PTPRM: variants seen among roughly 807,000 people sequenced by gnomAD.
PTPRM encodes the protein receptor-type tyrosine-protein phosphatase mu.
A neutral mutation model predicts 186.7 loss-of-function variants in PTPRM; 47 were observed. That is an observed-to-expected ratio of 0.25 (90% CI 0.20 to 0.32). PTPRM has a LOEUF of 0.32. Among genes scored for constraint, PTPRM ranks in the 10% least tolerant of loss-of-function variants. PTPRM has a pLI of 1.00. For synonymous variants in PTPRM, 668 were observed against 674.9 expected (o/e 0.99, Z 0.16); for missense variants, 1,494 against 1,865.0 (o/e 0.80, Z 3.66).
At chr18:8,340,205 G>A (rs899273462) in intron 22 of PTPRM, among the ~76,000 whole-genome samples, 4 of 152,206 alleles carry the variant, frequency 2.6e-5, no homozygotes, top group East Asian at 1.9e-4. Flanking sequence ...AGGAGAAAGC[G>A]AGGCCAGCTG....
At chr18:8,095,543 A>G (rs1205705046) in intron 11 of PTPRM, among the ~76,000 whole-genome samples, 4 of 152,156 alleles carry the variant, frequency 2.6e-5, no homozygotes, top group African/African-American at 4.8e-5. Flanking sequence ...TAGCCATTCA[A>G]GGGATTCAGG....
chr18:7,999,201 C>T (rs768583421), intron 7 of PTPRM, among the ~76,000 whole-genome samples: 1 of 152,084 alleles, frequency 6.6e-6, no homozygotes, highest in Non-Finnish European at 1.5e-5. Flanking sequence ...ATTAACCTGT[C>T]ATGCACATCT....
chr18:7,624,498 T>C (rs2038012843), intron 1 of PTPRM, among the ~76,000 whole-genome samples: 1 of 152,090 alleles, frequency 6.6e-6, no homozygotes, highest in South Asian at 2.1e-4. Flanking sequence ...TTCTGCTTTT[T>C]TTTTTGGGAC....
intron 7 of PTPRM, among the ~76,000 whole-genome samples, chr18:8,066,077 T>G (rs903422178): frequency 2.0e-5 from 3 of 152,174 alleles, no homozygotes; most frequent in Admixed American, 1.3e-4. Context: ...TATAAAACAC[T>G]AACTTGAGAT....
chr18:8,038,070 T>A (rs1464426107), intron 7 of PTPRM, among the ~76,000 whole-genome samples: 3 of 152,200 alleles, frequency 2.0e-5, no homozygotes. Context: ...TTATGGTGCA[T>A]ATTCAATTAT....
rs148027676 is a variant in PTPRM at position 7,641,922 on chromosome 18, C to T, written c.73+74031C>T. ...GAGAGGTTAAGTAAATGATCTAAGG[C>T]GAATCCAGGTCAGAATGTGTGCTCT... is the stretch of plus-strand genomic sequence containing the variant. On this transcript the variant is annotated intron_variant, in intron 1 of 32. Coordinates refer to ENST00000580170, the MANE Select transcript of PTPRM (RefSeq NM_001105244.2). 5.8e-4 allele frequency among the ~76,000 whole-genome samples: 88 copies of T among 152,178 alleles called. 1 individual carries two copies. The highest frequency in any genetic ancestry group is 1.9e-3 in the African/African-American group (77 of 41,538).
intron 6 of PTPRM, among the ~76,000 whole-genome samples, chr18:7,953,596 G>A (rs2053117169): frequency 6.6e-6 from 1 of 152,180 alleles, no homozygotes; most frequent in Non-Finnish European, 1.5e-5. Context: ...ACTTAGTCGA[G>A]TGAGATTTCC....
At chr18:8,349,113 A>G (rs755522855) in intron 23 of PTPRM, among the ~76,000 whole-genome samples, 13 of 152,222 alleles carry the variant, frequency 8.5e-5, no homozygotes, top group African/African-American at 1.9e-4. Context: ...ATTCACATAC[A>G]AGGAAGGTAT....
chr18:8,341,478 G>T (rs1255927631), intron 22 of PTPRM, among the ~76,000 whole-genome samples: 3 of 152,190 alleles, frequency 2.0e-5, no homozygotes, highest in Non-Finnish European at 2.9e-5. Flanking sequence ...TGAGGAATAT[G>T]CTGGAGGCAG....
At chr18:7,861,191 T>C (rs2047361687) in intron 2 of PTPRM, among the ~76,000 whole-genome samples, 1 of 152,224 alleles carries the variant, frequency 6.6e-6, no homozygotes, top group African/African-American at 2.4e-5. Context: ...GAGTTCTACA[T>C]GGCTGAATGT....
At chr18:8,130,022 A>G (rs992969049) in intron 13 of PTPRM, among the ~76,000 whole-genome samples, 1 of 152,268 alleles carries the variant, frequency 6.6e-6, no homozygotes, top group Admixed American at 6.5e-5. Context: ...TGAGGCCCAA[A>G]GTCTTTTAAA....
Position 7,949,288 on chromosome 18 carries a change from G to A in PTPRM, c.771G>A (p.Lys257=). 6.2e-7 allele frequency: 1 copy of A among 1,614,166 alleles called. No homozygotes were observed. Among genetic ancestry groups the A allele is most frequent in the South Asian group, 1.1e-5 (1 of 91,076 alleles). The change falls in exon 6 of 33, where the codon AAG becomes AAA. Residue 257 remains lysine (K), a synonymous_variant. Transcript: ENST00000580170. The part of the protein sequence containing the change: ...VVNTTKRDAG[K]YRCMIRTEGG... ...ATACCACCAAACGAGATGCTGGAAA[G>A]TACCGCTGCATGATTCGCACTGAAG...
chr18:7,773,754 T>C (rs112275846), intron 1 of PTPRM, among the ~76,000 whole-genome samples: 9 of 152,212 alleles, frequency 5.9e-5, no homozygotes, highest in African/African-American at 2.2e-4. Flanking sequence ...CTAATTTTTG[T>C]ATTTTTGTAG....
At position 7,874,376 on chromosome 18, in the gene PTPRM, A is replaced by G. The variant is rs146576550; in HGVS notation, c.197-13730A>G. 7.1e-3 allele frequency among the ~76,000 whole-genome samples: 1,084 copies of G among 152,334 alleles called. 22 individuals carry two copies. Among genetic ancestry groups the G allele is most frequent in the East Asian group, 0.05 (260 of 5,182 alleles). The stretch of plus-strand genomic sequence containing the variant: ...TCTCTATGTAAACAAAACAGTTTGC[A>G]AGGATATCTAGAATTTAGCTATCTT... On this transcript the variant is annotated intron_variant, in intron 2 of 32. Transcript: ENST00000580170.
At chr18:8,240,352 C>T (rs2094400925) in intron 14 of PTPRM, among the ~76,000 whole-genome samples, 1 of 150,320 alleles carries the variant, frequency 6.7e-6, no homozygotes, top group Non-Finnish European at 1.5e-5. Flanking sequence ...AGGAGAATGG[C>T]GTGAACTCAG....
At chr18:7,670,624 A>G (rs2039197919) in intron 1 of PTPRM, among the ~76,000 whole-genome samples, 1 of 152,200 alleles carries the variant, frequency 6.6e-6, no homozygotes, top group Non-Finnish European at 1.5e-5. Flanking sequence ...TATCTGATAC[A>G]TGTTTTTATT....
chr18:8,104,611 T>G lies in PTPRM; in HGVS notation c.1857-8875T>G, dbSNP rs554644953. 1.2e-4 allele frequency among the ~76,000 whole-genome samples: 19 copies of G among 152,132 alleles called. No homozygotes were observed. The East Asian group carries it at 2.9e-3, about 23-fold the overall frequency. ...GAGGTGGTGTGCCACCACACGCAGC[T>G]GATTTTTTTTTATTTTCTATAGAGC... On this transcript the variant is annotated intron_variant, in intron 11 of 32. Coordinates refer to ENST00000580170, the MANE Select transcript of PTPRM (RefSeq NM_001105244.2).
At chr18:8,105,018 T>A (rs758060606) in intron 11 of PTPRM, among the ~76,000 whole-genome samples, 1 of 152,174 alleles carries the variant, frequency 6.6e-6, no homozygotes, top group Non-Finnish European at 1.5e-5. Flanking sequence ...CAGGGCTAAA[T>A]GCACTTTTGT....
At chr18:7,619,189 A>C (rs1212858838) in intron 1 of PTPRM, among the ~76,000 whole-genome samples, 1 of 152,206 alleles carries the variant, frequency 6.6e-6, no homozygotes, top group Non-Finnish European at 1.5e-5. Context: ...AGATTGGTGA[A>C]TAAATAATTC....
Sources: gnomAD v4.1 joint callset for allele counts (sites outside exome capture counted in the v4.1 genomes callset) on GRCh38, gnomAD v4.1.1 for gene constraint, MANE v1.5 for transcripts, NCBI Gene and HGNC (gene_info 2026-07-23, HGNC 2026-07-21) for gene names.